HIVEP3: variants seen among roughly 807,000 people sequenced by gnomAD.
HIVEP3 encodes the protein transcription factor HIVEP3.
A neutral mutation model predicts 152.8 loss-of-function variants in HIVEP3; 49 were observed. The ratio of observed to expected loss-of-function variants is 0.32; its 90% CI spans 0.26 to 0.41. HIVEP3 has a LOEUF of 0.41. HIVEP3 is among the 10% of genes least tolerant of loss of function. The pLI is 1.00. For missense variants in HIVEP3, 2,790 were observed against 3,103.3 expected, an observed-to-expected ratio of 0.90 and a Z score of 2.40; for synonymous variants, 1,269 against 1,289.0, an observed-to-expected ratio of 0.98 and a Z score of 0.33.
chr1:42,015,491 C>T (rs550234866), intron 1 of HIVEP3, among the ~76,000 whole-genome samples: 11 of 152,360 alleles, frequency 7.2e-5, no homozygotes, highest in African/African-American at 2.6e-4. Context: ...AGAGCAAGAC[C>T]TGCCTCCTAA....
At chr1:41,657,334 G>A (rs909767348) in intron 2 of HIVEP3, among the ~76,000 whole-genome samples, 1 of 152,190 alleles carries the variant, frequency 6.6e-6, no homozygotes, top group Non-Finnish European at 1.5e-5. Context: ...CGATGTCAGA[G>A]GCATGGGAAG....
intron 1 of HIVEP3, among the ~76,000 whole-genome samples, chr1:41,719,796 C>G (rs895074862): frequency 2.0e-5 from 3 of 152,230 alleles, no homozygotes; most frequent in African/African-American, 7.2e-5. Context: ...ACTCCTGACT[C>G]ATGTTAGCAC....
intron 1 of HIVEP3, among the ~76,000 whole-genome samples, chr1:42,019,120 C>T (rs913266224): frequency 6.6e-6 from 1 of 151,988 alleles, no homozygotes; most frequent in Non-Finnish European, 1.5e-5. Flanking sequence ...AGCACAGATG[C>T]CACATTGACT....
chr1:41,667,506 A>G (rs1436023155), intron 2 of HIVEP3, among the ~76,000 whole-genome samples: 2 of 152,250 alleles, frequency 1.3e-5, no homozygotes, highest in Non-Finnish European at 2.9e-5. Flanking sequence ...AAGATTAGTC[A>G]AGCCACACTC....
intron 1 of HIVEP3, among the ~76,000 whole-genome samples, chr1:41,998,197 T>C (rs988393907): frequency 6.6e-6 from 1 of 152,274 alleles, no homozygotes; most frequent in South Asian, 2.1e-4. Context: ...AAAGCCAATA[T>C]ACTATAAAAT....
chr1:41,744,695 T>C (rs1438048384), intron 1 of HIVEP3, among the ~76,000 whole-genome samples: 1 of 152,244 alleles, frequency 6.6e-6, no homozygotes, highest in African/African-American at 2.4e-5. Flanking sequence ...GGTGGGCTCA[T>C]TCAAGGGGTG....
intron 1 of HIVEP3, among the ~76,000 whole-genome samples, chr1:41,841,457 C>T (rs1044625646): frequency 5.3e-5 from 8 of 152,194 alleles, no homozygotes; most frequent in Non-Finnish European, 7.3e-5. Flanking sequence ...AATATCAGTG[C>T]AGCACTGATA....
intron 1 of HIVEP3, among the ~76,000 whole-genome samples, chr1:41,881,981 T>G (rs1644268659): frequency 6.6e-6 from 1 of 152,200 alleles, no homozygotes; most frequent in African/African-American, 2.4e-5. Flanking sequence ...AAAATTAAAA[T>G]GACCAGCCCC....
intron 1 of HIVEP3, among the ~76,000 whole-genome samples, chr1:41,791,354 C>T (rs758452426): frequency 6.6e-6 from 1 of 152,234 alleles, no homozygotes; most frequent in Non-Finnish European, 1.5e-5. Context: ...CAAACTCCCA[C>T]CTCCACTCAT....
Position 41,571,166 on chromosome 1 carries a change from T to C in HIVEP3, c.5207+4378A>G, listed in dbSNP as rs551978269. Reference sequence around the variant, plus strand: ...CTGAACTTATCATTCCCTTCGGACATAAGCCCCAATAACACACCACCCAAC... The same window carrying C: ...CTGAACTTATCATTCCCTTCGGACACAAGCCCCAATAACACACCACCCAAC... On this transcript the variant is annotated intron_variant, in intron 5 of 8. Coordinates refer to ENST00000372583, the MANE Select transcript of HIVEP3 (RefSeq NM_024503.5). Among the ~76,000 whole-genome samples, 9 of 152,244 alleles carry C rather than the reference T, an allele frequency of 5.9e-5. No individual in the cohort carries two copies. In the East Asian group the frequency reaches 1.7e-3, roughly 30 times the overall value.
intron 1 of HIVEP3, chr1:41,847,114 C>T (rs966653669): frequency 1.3e-5 from 2 of 152,340 alleles, no homozygotes; most frequent in Admixed American, 1.3e-4. Context: ...CATACTTTGA[C>T]ATCTTTGTAA....
intron 1 of HIVEP3, among the ~76,000 whole-genome samples, chr1:41,792,881 G>A (rs904699697): frequency 3.9e-5 from 6 of 152,196 alleles, no homozygotes. Context: ...TTAATATATT[G>A]CTTGCTTCCC....
Position 41,513,545 on chromosome 1 carries a change from T to TC in HIVEP3, c.5675_5676insG (p.Asp1893ArgfsTer30), listed in dbSNP as rs1642513785. 1.2e-6 allele frequency: 2 copies of TC among 1,609,648 alleles called. No homozygotes were observed. The highest frequency in any genetic ancestry group is 1.7e-6 in the Non-Finnish European group (2 of 1,178,386). The stretch of plus-strand genomic sequence containing the variant: ...GAGGGCCCAGGATGGGTGAGGAGTC[T>TC]GCCCGCAGTGCATGTGGTGGGCCAG... On this transcript the variant is annotated frameshift_variant, in exon 8 of 9. Coordinates refer to ENST00000372583, the MANE Select transcript of HIVEP3 (RefSeq NM_024503.5). LOFTEE classifies it high-confidence loss of function.
chr1:41,617,949 T>G (rs553710407), intron 3 of HIVEP3, among the ~76,000 whole-genome samples: 1 of 152,164 alleles, frequency 6.6e-6, no homozygotes, highest in African/African-American at 2.4e-5. Context: ...TCACATGTCA[T>G]TGGGTGTGTG....
chr1:41,758,886 C>A lies in HIVEP3; in HGVS notation c.-800-57891G>T, dbSNP rs113445121. Among the ~76,000 whole-genome samples the A allele has an allele frequency of 9.2e-5, 14 of 152,304 alleles. 2 individuals carry two copies. Among genetic ancestry groups the A allele is most frequent in the African/African-American group, 3.4e-4 (14 of 41,566 alleles). ...TGGGGGGTACTGGCCCCACTGCTCC[C>A]CCATAGTGTACTGTGACCAATGACT... On this transcript the variant is annotated intron_variant, in intron 1 of 8. Transcript: ENST00000372583.
intron 1 of HIVEP3, among the ~76,000 whole-genome samples, chr1:41,932,555 G>C (rs1355467945): frequency 6.6e-6 from 1 of 151,708 alleles, no homozygotes; most frequent in Non-Finnish European, 1.5e-5. Context: ...TTGATAATTT[G>C]TATCTTCTTT....
intron 1 of HIVEP3, among the ~76,000 whole-genome samples, chr1:41,712,884 G>A (rs1646535677): frequency 1.3e-5 from 2 of 152,202 alleles, no homozygotes; most frequent in South Asian, 2.1e-4. Flanking sequence ...AGTTGCCCAT[G>A]CTGGCCTCAG....
chr1:41,727,787 G>A (rs1457759043), intron 1 of HIVEP3, among the ~76,000 whole-genome samples: 1 of 152,222 alleles, frequency 6.6e-6, no homozygotes, highest in Non-Finnish European at 1.5e-5. Context: ...CTGGGCTGGA[G>A]TCGTAGTCAG....
Position 41,582,960 on chromosome 1 carries a change from G to A in HIVEP3, c.1838C>T (p.Thr613Ile). The A allele has an allele frequency of 6.2e-7, 1 of 1,614,112 alleles. No individual in the cohort carries two copies. The highest frequency in any genetic ancestry group is 8.5e-7 in the Non-Finnish European group (1 of 1,180,030). The change falls in exon 4 of 9, where the codon ACA becomes ATA. Residue 613 changes from threonine (T) to isoleucine (I), a missense_variant. Transcript: ENST00000372583. The surrounding 1 kb of genome is among the most constrained non-coding windows in gnomAD (Gnocchi z 4.7). Reference sequence around the variant, plus strand: ...CACTTCGTCCGAGGGCTTGGAGGCTGTGTCTTTGCTGCTTGGGCCAGGCTC... The same window carrying A: ...CACTTCGTCCGAGGGCTTGGAGGCTATGTCTTTGCTGCTTGGGCCAGGCTC... Reference protein sequence around the residue: ...SEEPGPSSKDTASKPSDEVEP... With the variant: ...SEEPGPSSKDIASKPSDEVEP...
Sources: allele counts gnomAD v4.1 joint callset (sites outside exome capture counted in the v4.1 genomes callset), GRCh38; gene constraint gnomAD v4.1.1; non-coding constraint Gnocchi (gnomAD v3.1); transcripts MANE v1.5; gene names NCBI Gene and HGNC (gene_info 2026-07-23, HGNC 2026-07-21).